The following TRAPPC9 variants were observed in gnomAD, a reference collection of about 807,000 sequenced individuals.
The protein encoded by TRAPPC9 is trafficking protein particle complex subunit 9.
In TRAPPC9, 83 loss-of-function variants were observed where a neutral mutation model predicts 124.0. That is an observed-to-expected ratio of 0.67 (90% CI 0.56 to 0.80). TRAPPC9 has a LOEUF of 0.80. TRAPPC9 is among the 30% of genes least tolerant of loss of function. The pLI, the probability that TRAPPC9 is intolerant of heterozygous loss-of-function variation, is 0.00. For missense variants in TRAPPC9, 1,302 were observed against 1,508.3 expected, an observed-to-expected ratio of 0.86 and a Z score of 2.27; for synonymous variants, 638 against 617.5, an observed-to-expected ratio of 1.03 and a Z score of -0.49.
chr8:140,253,677 C>CAAA (rs1440859834), intron 15 of TRAPPC9, among the ~76,000 whole-genome samples: 6 of 147,110 alleles, frequency 4.1e-5, no homozygotes, highest in African/African-American at 1.5e-4. Context: ...GACTCCATCT[C>CAAA]AAAAGAAAAA....
chr8:140,062,347 G>A (rs1454970430), intron 17 of TRAPPC9, among the ~76,000 whole-genome samples: 2 of 152,086 alleles, frequency 1.3e-5, no homozygotes, highest in Admixed American at 6.5e-5. Context: ...ATAAACCCAC[G>A]CTACTGAGCA....
At chr8:140,379,075 TTTTC>T (rs2068528024) in intron 7 of TRAPPC9, among the ~76,000 whole-genome samples, 1 of 152,190 alleles carries the variant, frequency 6.6e-6, no homozygotes, top group Non-Finnish European at 1.5e-5. Flanking sequence ...GAAATTTTTC[TTTTC>T]TTTCTTTTTA....
At chr8:139,836,001 C>CATTT (rs1361913492) in intron 21 of TRAPPC9, among the ~76,000 whole-genome samples, 3 of 133,346 alleles carry the variant, frequency 2.2e-5, no homozygotes, top group Admixed American at 7.5e-5. Context: ...CAAAGGGAAG[C>CATTT]ATTTATTTAT....
At chr8:140,318,914 T>C (rs1382021583) in intron 9 of TRAPPC9, among the ~76,000 whole-genome samples, 2 of 152,154 alleles carry the variant, frequency 1.3e-5, no homozygotes, top group African/African-American at 4.8e-5. Context: ...CCTGACCACA[T>C]ATACCCAGTG....
At chr8:140,405,553 A>G (rs1341425754) in intron 6 of TRAPPC9, 24 bp downstream of exon 6, 1 of 1,613,846 alleles carries the variant, frequency 6.2e-7, no homozygotes, top group Admixed American at 1.7e-5. Context: ...CTGTGTAAAA[A>G]AAATCACAAA....
At position 139,932,380 on chromosome 8, in the gene TRAPPC9, A is replaced by T. The variant is rs188131134; in HGVS notation, c.2811-22080T>A. On this transcript the variant is annotated intron_variant, in intron 19 of 22. Transcript: ENST00000438773. ...AGTGACATATGCCACACTGGATCAG[A>T]AGCACGCTGGACCACCACGTGGTAT... 1.4e-3 allele frequency: 660 copies of T among 457,930 alleles called. 3 individuals carry two copies. The highest frequency in any genetic ancestry group is 0.011 in the African/African-American group (569 of 50,218). The allele number at this position is 457,930 out of a possible 1,614,324, so 28.4% of individuals were successfully genotyped here. A position where few individuals can be genotyped will look rare whatever the true frequency, so the allele number is the denominator to read the frequency against.
At chr8:140,191,106 A>C (rs1391105058) in intron 17 of TRAPPC9, among the ~76,000 whole-genome samples, 1 of 152,214 alleles carries the variant, frequency 6.6e-6, no homozygotes, top group Non-Finnish European at 1.5e-5. Flanking sequence ...CCAAGGCACA[A>C]GTGCATTCGC....
At chr8:139,774,618 G>C (rs369957647) in intron 21 of TRAPPC9, among the ~76,000 whole-genome samples, 1 of 152,158 alleles carries the variant, frequency 6.6e-6, no homozygotes, top group South Asian at 2.1e-4. Context: ...ATGTTTCCTC[G>C]GCCTCCCCAG....
Position 140,252,618 on chromosome 8 carries a change from C to T in TRAPPC9, c.2431+159G>A, listed in dbSNP as rs2064155688. On this transcript the variant is annotated intron_variant, in intron 16 of 22. Transcript: ENST00000438773. This position sits in a 1 kb window ranked among gnomAD's most constrained non-coding sequence, Gnocchi z 4.2. ...TATTACTTTCAGACACATACAGTAA[C>T]ACACTCTGTTAACAAAGTGCCCAGG... 1.4e-6 allele frequency: 1 copy of T among 738,414 alleles called. No individual in the cohort carries two copies. Among genetic ancestry groups the T allele is most frequent in the Non-Finnish European group, 2.3e-6 (1 of 429,626 alleles). 45.7% of individuals were successfully genotyped at this position (738,414 alleles called of 1,614,324 possible). A position where few individuals can be genotyped will look rare whatever the true frequency, so the allele number is the denominator to read the frequency against.
At chr8:139,978,120 C>T (rs558106935) in intron 19 of TRAPPC9, among the ~76,000 whole-genome samples, 60 of 152,312 alleles carry the variant, frequency 3.9e-4, no homozygotes, top group African/African-American at 1.4e-3. Context: ...TCAAGGGATC[C>T]TCCCACCTTG....
intron 21 of TRAPPC9, among the ~76,000 whole-genome samples, chr8:139,874,333 A>G (rs1829183991): frequency 6.6e-6 from 1 of 152,246 alleles, no homozygotes; most frequent in African/African-American, 2.4e-5. Context: ...TCTTTGATGG[A>G]GTCAGCAAAC....
chr8:140,168,669 C>T (rs917942778), intron 17 of TRAPPC9, among the ~76,000 whole-genome samples: 2 of 152,274 alleles, frequency 1.3e-5, no homozygotes, highest in African/African-American at 2.4e-5. Context: ...GGTCCTCCCT[C>T]GAAGGCAAGG....
At chr8:140,143,143 T>C (rs1008108477) in intron 17 of TRAPPC9, among the ~76,000 whole-genome samples, 1 of 152,220 alleles carries the variant, frequency 6.6e-6, no homozygotes, top group African/African-American at 2.4e-5. Flanking sequence ...AGTGTGCTGG[T>C]TAGCATGCGT....
At chr8:139,815,019 C>G (rs1824732210) in intron 21 of TRAPPC9, among the ~76,000 whole-genome samples, 1 of 152,194 alleles carries the variant, frequency 6.6e-6, no homozygotes, top group South Asian at 2.1e-4. Context: ...GGCAAAGCTG[C>G]CAGCACCTGG....
In TRAPPC9 at chr8:140,229,251, C is replaced by CTT. The variant is rs528175891; in HGVS notation, c.2432-7670_2432-7669dup. Among the ~76,000 whole-genome samples, 330 of 99,690 alleles carry CTT rather than the reference C, an allele frequency of 3.3e-3. 27 individuals are homozygous for CTT. Among genetic ancestry groups the CTT allele is most frequent in the African/African-American group, 0.013 (287 of 21,624 alleles). The allele number at this position is 99,690 out of a possible 152,430, so 65.4% of individuals were successfully genotyped here. A position where few individuals can be genotyped will look rare whatever the true frequency, so the allele number is the denominator to read the frequency against. On this transcript the variant is annotated intron_variant, in intron 16 of 22. Coordinates refer to ENST00000438773, the MANE Select transcript of TRAPPC9 (RefSeq NM_001160372.4). ...AGTCAATTCCGTATGTTTTCTTTTT[C>CTT]TTTTTTTTTTTTTTTTTTTTTTTTT...
chr8:139,818,837 A>G lies in TRAPPC9; in HGVS notation c.3055+67042T>C, dbSNP rs1825048691. ...AGCCCTTCCCCATTCTATGAGAACC[A>G]GGTCAAATGGCAATACCTAGGGAAA... On this transcript the variant is annotated intron_variant, in intron 21 of 22. Coordinates refer to ENST00000438773, the MANE Select transcript of TRAPPC9 (RefSeq NM_001160372.4). Among the ~76,000 whole-genome samples the G allele has an allele frequency of 2.6e-5, 4 of 152,206 alleles. No homozygotes were observed. The South Asian group carries it at 8.3e-4, about 32-fold the overall frequency.
chr8:139,961,673 C>T lies in TRAPPC9; in HGVS notation c.2810+27053G>A, dbSNP rs1835379336. Among the ~76,000 whole-genome samples the T allele has an allele frequency of 1.6e-5, 2 of 123,436 alleles. 1 individual carries two copies. The highest frequency in any genetic ancestry group is 3.9e-5 in the Non-Finnish European group (2 of 51,732). The allele number at this position is 123,436 out of a possible 152,430, so 81.0% of individuals were successfully genotyped here. On this transcript the variant is annotated intron_variant, in intron 19 of 22. Coordinates refer to ENST00000438773, the MANE Select transcript of TRAPPC9 (RefSeq NM_001160372.4). ...CCCCAGAAAGGACCCTCCCCTCATC[C>T]CTGCAGGCTCAGGGGTGTCTGCTCC...
At chr8:139,884,879 C>T (rs562988823) in intron 21 of TRAPPC9, among the ~76,000 whole-genome samples, 11 of 152,332 alleles carry the variant, frequency 7.2e-5, no homozygotes, top group Admixed American at 2.0e-4. Flanking sequence ...CAGCTTTCAC[C>T]TGTGAGGAGC....
intron 17 of TRAPPC9, among the ~76,000 whole-genome samples, chr8:140,112,170 C>G (rs13261026): frequency 0.78 from 117,841 of 151,488 alleles, 46,494 homozygotes; most frequent in African/African-American, 0.92. Context: ...GACGATGGTG[C>G]GACAGGTGCA....
Sources: allele counts gnomAD v4.1 joint callset (sites outside exome capture counted in the v4.1 genomes callset), GRCh38; gene constraint gnomAD v4.1.1; non-coding constraint Gnocchi (gnomAD v3.1); transcripts MANE v1.5; gene names NCBI Gene and HGNC (gene_info 2026-07-23, HGNC 2026-07-21).